DLC1: variants seen among roughly 807,000 people sequenced by gnomAD.
The protein encoded by DLC1 is DLC1 Rho GTPase activating protein.
Under a neutral mutation model 140.3 loss-of-function variants are expected in DLC1, and 54 were observed. The ratio of observed to expected loss-of-function variants is 0.38; its 90% CI spans 0.31 to 0.48. The LOEUF is 0.48. Ranked by LOEUF, DLC1 falls within the 20% of genes least tolerant of loss-of-function variation. DLC1 has a pLI of 0.96. For missense variants in DLC1, 2,536 were observed against 1,907.0 expected (o/e 1.33, Z -6.14); for synonymous variants, 986 against 728.1 (o/e 1.35, Z -5.70).
chr8:13,191,942 A>ATTATTC (rs1173174115), intron 5 of DLC1, among the ~76,000 whole-genome samples: 1 of 148,136 alleles, frequency 6.8e-6, no homozygotes, highest in African/African-American at 2.5e-5. Flanking sequence ...TATTATTATT[A>ATTATTC]TTATTATTAT....
At chr8:13,186,053 C>T (rs1484603943) in intron 5 of DLC1, among the ~76,000 whole-genome samples, 3 of 152,106 alleles carry the variant, frequency 2.0e-5, no homozygotes, top group South Asian at 2.1e-4. Context: ...GTGGGCAACC[C>T]GACCTTTCTC....
chr8:13,385,989 C>G (rs944603764), intron 4 of DLC1, among the ~76,000 whole-genome samples: 3 of 152,194 alleles, frequency 2.0e-5, no homozygotes, highest in Admixed American at 2.0e-4. Flanking sequence ...CTCCTCAGTG[C>G]TATGAATTAT....
At chr8:13,221,399 C>CTTTT in intron 5 of DLC1, among the ~76,000 whole-genome samples, 1 of 150,924 alleles carries the variant, frequency 6.6e-6, no homozygotes. Context: ...GAGACGGAGC[C>CTTTT]TTGCTCTGTC....
intron 5 of DLC1, among the ~76,000 whole-genome samples, chr8:13,194,733 C>T (rs1040036666): frequency 2.0e-5 from 3 of 152,180 alleles, no homozygotes; most frequent in Non-Finnish European, 4.4e-5. Flanking sequence ...GCAGGCTGGG[C>T]ATGGAGGCTC....
Position 13,088,696 on chromosome 8 carries a change from T to C in DLC1, c.4083A>G (p.Glu1361=). Residue 1361 remains glutamate (E), a synonymous_variant, in exon 16 of 18, where the codon GAA becomes GAG. Transcript: ENST00000276297. ...ACCTCCAAAGCCTCAGAGGGGGTCC[T>C]TCGCTCACCTGGAAAGAGGATGTAT... ...QAELSYKKVS[E]GPPLRLWRSV... 4 of 1,614,048 alleles carry C rather than the reference T, an allele frequency of 2.5e-6. No individual in the cohort carries two copies. The highest frequency in any genetic ancestry group is 1.1e-5 in the South Asian group (1 of 91,060).
Position 13,469,796 on chromosome 8 carries a change from T to C in DLC1, c.1023+29253A>G, listed in dbSNP as rs976913349. ...GCCTTTCTAGAAAAACATATTGTTT[T>C]GCTGAAAGTCTATGTGGATATGCAA... On this transcript the variant is annotated intron_variant, in intron 2 of 17. Transcript: ENST00000276297. Among the ~76,000 whole-genome samples the C allele has an allele frequency of 4.6e-5, 7 of 152,228 alleles. No individual in the cohort carries two copies. In the South Asian group the frequency reaches 1.4e-3, roughly 31 times the overall value.
chr8:13,214,510 A>G (rs544262015), intron 5 of DLC1: 2 of 673,262 alleles, frequency 3.0e-6, no homozygotes, highest in South Asian at 3.6e-5. Context: ...TGAAACTGGC[A>G]TATTGTCACA....
intron 5 of DLC1, among the ~76,000 whole-genome samples, chr8:13,155,605 C>T (rs1181538648): frequency 6.6e-6 from 1 of 151,846 alleles, no homozygotes; most frequent in Non-Finnish European, 1.5e-5. Flanking sequence ...TTGATAAGTT[C>T]CCATATATTT....
At chr8:13,288,514 C>T (rs1831623543) in intron 5 of DLC1, among the ~76,000 whole-genome samples, 1 of 152,192 alleles carries the variant, frequency 6.6e-6, no homozygotes, top group African/African-American at 2.4e-5. Flanking sequence ...TTTTCCTTGC[C>T]TAGAAATGCC....
intron 2 of DLC1, among the ~76,000 whole-genome samples, chr8:13,474,494 A>C (rs771512278): frequency 4.6e-5 from 7 of 152,180 alleles, no homozygotes; most frequent in Non-Finnish European, 8.8e-5. Context: ...TGGAGCTGTG[A>C]GAAAAGGGCC....
chr8:13,203,910 C>G (rs1025342339), intron 5 of DLC1, among the ~76,000 whole-genome samples: 1 of 152,130 alleles, frequency 6.6e-6, no homozygotes, highest in African/African-American at 2.4e-5. Context: ...TTTTTGCTGA[C>G]TCATTTCCCT....
rs988608840 is a variant in DLC1 at position 13,528,684 on chromosome 8, T to A, written c.-125-28488A>T. 2.0e-5 allele frequency among the ~76,000 whole-genome samples: 3 copies of A among 152,328 alleles called. 1 individual carries two copies. The Middle Eastern group carries it at 0.01, about 518-fold the overall frequency. On this transcript the variant is annotated intron_variant, in intron 1 of 1. Coordinates refer to the DLC1 transcript ENST00000631382. ...CACAGTAGCTATTTTATTTGGGGCC[T>A]TGCTGAGCTGCAAGTTTTTTAATGA...
chr8:13,348,316 C>T (rs983973867), intron 4 of DLC1, among the ~76,000 whole-genome samples: 1 of 152,028 alleles, frequency 6.6e-6, no homozygotes, highest in Non-Finnish European at 1.5e-5. Context: ...ATGGGGCAAG[C>T]GGTAAAAAAC....
intron 4 of DLC1, among the ~76,000 whole-genome samples, chr8:13,378,079 AATTTT>A (rs1384181493): frequency 6.1e-4 from 89 of 147,016 alleles, no homozygotes; most frequent in African/African-American, 2.0e-3. Flanking sequence ...CTTTTTTTTA[AATTTT>A]ATTTTATTAT....
chr8:13,240,648 G>T (rs558706400), intron 5 of DLC1, among the ~76,000 whole-genome samples: 39 of 152,148 alleles, frequency 2.6e-4, no homozygotes, highest in African/African-American at 8.9e-4. Flanking sequence ...GCCCAGGCTG[G>T]TCTCAAACTT....
intron 4 of DLC1, among the ~76,000 whole-genome samples, chr8:13,349,378 T>G (rs1834527821): frequency 3.3e-5 from 5 of 151,856 alleles, no homozygotes; most frequent in Admixed American, 3.3e-4. Context: ...CAAAACACAT[T>G]ATAGCGAAAA....
At chr8:13,471,822 T>C (rs1449992837) in intron 2 of DLC1, among the ~76,000 whole-genome samples, 1 of 152,104 alleles carries the variant, frequency 6.6e-6, no homozygotes, top group Non-Finnish European at 1.5e-5. Flanking sequence ...CCTATCTCAC[T>C]CCCTTCCACC....
intron 2 of DLC1, among the ~76,000 whole-genome samples, chr8:13,457,423 A>T (rs563492449): frequency 6.6e-6 from 1 of 152,264 alleles, no homozygotes; most frequent in Non-Finnish European, 1.5e-5. Flanking sequence ...TCATGCCTGT[A>T]ATCCCAGCAC....
chr8:13,494,456 C>T (rs994440993), intron 2 of DLC1, among the ~76,000 whole-genome samples: 1 of 152,134 alleles, frequency 6.6e-6, no homozygotes, highest in Non-Finnish European at 1.5e-5. Flanking sequence ...CCCCTGTAGC[C>T]TTTTGCCTTC....
Sources: allele counts gnomAD v4.1 joint callset (sites outside exome capture counted in the v4.1 genomes callset), GRCh38; gene constraint gnomAD v4.1.1; transcripts MANE v1.5; gene names NCBI Gene and HGNC (gene_info 2026-07-23, HGNC 2026-07-21).